The following NYAP2 variants were observed in gnomAD, a reference collection of about 807,000 sequenced individuals.
The protein encoded by NYAP2 is neuronal tyrosine-phosphorylated phosphoinositide-3-kinase adaptor 2, also known as neuronal tyrosine-phosphorylated phosphoinositide-3-kinase adapter 2.
Under a neutral mutation model 50.4 loss-of-function variants are expected in NYAP2, and 23 were observed. That is an observed-to-expected ratio of 0.46 (90% CI 0.33 to 0.65). The LOEUF is 0.65. Among genes scored for constraint, NYAP2 ranks in the 30% least tolerant of loss-of-function variants. NYAP2 has a pLI of 0.02. For missense variants in NYAP2, 885 were observed against 861.0 expected, an observed-to-expected ratio of 1.03 and a Z score of -0.35; for synonymous variants, 394 against 365.2, an observed-to-expected ratio of 1.08 and a Z score of -0.90.
intron 3 of NYAP2, among the ~76,000 whole-genome samples, chr2:225,472,810 T>G (rs1690033678): frequency 6.6e-6 from 1 of 152,180 alleles, no homozygotes; most frequent in African/African-American, 2.4e-5. Context: ...CTTTTTTTTC[T>G]TTTATTTTTT....
downstream of NYAP2, among the ~76,000 whole-genome samples, chr2:225,654,476 A>G (rs1693792791): frequency 6.6e-6 from 1 of 152,272 alleles, no homozygotes; most frequent in Admixed American, 6.5e-5. Flanking sequence ...TGACTTTAGG[A>G]GTTTGAGACC....
chr2:225,445,843 A>C (rs932576876), intron 3 of NYAP2, among the ~76,000 whole-genome samples: 4 of 152,094 alleles, frequency 2.6e-5, no homozygotes, highest in African/African-American at 9.7e-5. Context: ...ATAAAAGGCC[A>C]AAAATGATCA....
rs552714505 is a variant in NYAP2, at chr2:225,511,951, C to A, written c.222-1420C>A. 3.9e-5 allele frequency among the ~76,000 whole-genome samples: 6 copies of A among 152,190 alleles called. No individual in the cohort carries two copies. The East Asian group carries it at 1.2e-3, about 29-fold the overall frequency. ...TTCATATACTCAGAGGTACTTCTTACCATTCAAACATATCTAAGAAAATTA... is the reference window on the plus strand; with the variant it reads ...TTCATATACTCAGAGGTACTTCTTAACATTCAAACATATCTAAGAAAATTA... On this transcript the variant is annotated intron_variant, in intron 3 of 6. Transcript: ENST00000636099.
chr2:225,482,889 A>G (rs1241401783), intron 3 of NYAP2, among the ~76,000 whole-genome samples: 5 of 152,168 alleles, frequency 3.3e-5, no homozygotes, highest in Non-Finnish European at 7.4e-5. Context: ...GTATACGGAG[A>G]GAAGACAAAG....
At chr2:225,686,542 A>T in the NYAP2 span, among the ~76,000 whole-genome samples, 5 of 152,290 alleles carry the variant, frequency 3.3e-5, no homozygotes, top group South Asian at 1.0e-3. Context: ...GGATTACTGT[A>T]CTATATTTGT....
At chr2:225,564,274 A>C (rs1691924170) in intron 4 of NYAP2, among the ~76,000 whole-genome samples, 1 of 149,642 alleles carries the variant, frequency 6.7e-6, no homozygotes, top group Non-Finnish European at 1.5e-5. Context: ...TAGAACCTCC[A>C]AATAATGTGA....
rs1479736366 is a variant in NYAP2 at position 225,582,784 on chromosome 2, C to G, written c.1367C>G (p.Pro456Arg). Residue 456 changes from proline (P) to arginine (R), a missense_variant, in exon 5 of 7, where the codon CCT becomes CGT. By Grantham distance (103) the Pro-to-Arg change is moderately radical. Coordinates refer to ENST00000636099, the Ensembl canonical transcript of NYAP2. The surrounding 1 kb of genome is among the most constrained non-coding windows in gnomAD (Gnocchi z 7.0). ...CCCCTGAGCCTCAAAAGGCCTCCCCCTTACGACGCTGTGCATTCGGGCAGC... is the reference window on the plus strand; with the variant it reads ...CCCCTGAGCCTCAAAAGGCCTCCCCGTTACGACGCTGTGCATTCGGGCAGC... The G allele has an allele frequency of 3.7e-6, 6 of 1,613,944 alleles. No individual in the cohort carries two copies. In the South Asian group the frequency reaches 6.6e-5, roughly 18 times the overall value.
chr2:225,491,332 T>C (rs1384463317), intron 3 of NYAP2, among the ~76,000 whole-genome samples: 2 of 152,212 alleles, frequency 1.3e-5, no homozygotes, highest in Non-Finnish European at 2.9e-5. Flanking sequence ...AGTGTCCCAT[T>C]GCTTGTCAAA....
chr2:225,540,664 T>C (rs111616750), intron 4 of NYAP2, among the ~76,000 whole-genome samples: 2 of 152,324 alleles, frequency 1.3e-5, no homozygotes, highest in African/African-American at 2.4e-5. Context: ...ATATGTACCA[T>C]GTTTTCTTTA....
At chr2:225,480,473 G>A (rs1690187690) in intron 3 of NYAP2, among the ~76,000 whole-genome samples, 1 of 152,068 alleles carries the variant, frequency 6.6e-6, no homozygotes, top group African/African-American at 2.4e-5. Flanking sequence ...GCTAGCACTT[G>A]AAGGAATGTA....
rs138944651 is a variant in NYAP2 at position 225,611,543 on chromosome 2, C to T, written c.1619-15374C>T. Reference sequence around the variant, plus strand: ...CCGCAAAACTAATCTAATCCACCCTCACCCTCCCCTTTGCCATTTTTGAAT... The same window carrying T: ...CCGCAAAACTAATCTAATCCACCCTTACCCTCCCCTTTGCCATTTTTGAAT... On this transcript the variant is annotated intron_variant, in intron 5 of 6. Transcript: ENST00000636099. Among the ~76,000 whole-genome samples the T allele has an allele frequency of 3.5e-4, 53 of 152,126 alleles. 2 individuals are homozygous for T. In the East Asian group the frequency reaches 9.5e-3, roughly 27 times the overall value.
At chr2:225,505,193 C>A (rs1239209463) in intron 3 of NYAP2, among the ~76,000 whole-genome samples, 1 of 151,770 alleles carries the variant, frequency 6.6e-6, no homozygotes, top group Non-Finnish European at 1.5e-5. Flanking sequence ...TAACACTTGA[C>A]CTTCATATCC....
chr2:225,676,104 G>A, the NYAP2 span, among the ~76,000 whole-genome samples: 1 of 152,052 alleles, frequency 6.6e-6, no homozygotes, highest in African/African-American at 2.4e-5. Context: ...TCTATATGCT[G>A]TATGTTTACT....
rs184500295 is a variant in NYAP2, at chr2:225,505,485, C to T, written c.222-7886C>T. 5.3e-4 allele frequency among the ~76,000 whole-genome samples: 81 copies of T among 152,180 alleles called. 1 individual carries two copies. Among genetic ancestry groups the T allele is most frequent in the African/African-American group, 1.8e-3 (76 of 41,542 alleles). Reference sequence around the variant, plus strand: ...CAAGTTTTCATATCCAAGTATACTGCCTGATTTAAAAACTATATATGGGGC... The same window carrying T: ...CAAGTTTTCATATCCAAGTATACTGTCTGATTTAAAAACTATATATGGGGC... On this transcript the variant is annotated intron_variant, in intron 3 of 6. Transcript: ENST00000636099.
chr2:225,600,872 A>G (rs1574702736), intron 5 of NYAP2, among the ~76,000 whole-genome samples: 1 of 152,298 alleles, frequency 6.6e-6, no homozygotes, highest in Admixed American at 6.5e-5. Context: ...TCACCCGTGC[A>G]TATTGCAGGA....
chr2:225,546,714 C>T (rs1204921475), intron 4 of NYAP2, among the ~76,000 whole-genome samples: 1 of 152,108 alleles, frequency 6.6e-6, no homozygotes, highest in Non-Finnish European at 1.5e-5. Flanking sequence ...AAATGAAAGA[C>T]TAAGTCCCCT....
Position 225,402,759 on chromosome 2 carries a change from T to G in NYAP2, c.-18+1716T>G, listed in dbSNP as rs574227428. Among the ~76,000 whole-genome samples the G allele has an allele frequency of 2.6e-5, 4 of 152,138 alleles. No homozygotes were observed. The South Asian group carries it at 8.3e-4, about 32-fold the overall frequency. Reference sequence around the variant, plus strand: ...TTTGGGCAGAACAGCTGCATTTTGATGACACTGAGAATGAGAAAATGAGTG... The same window carrying G: ...TTTGGGCAGAACAGCTGCATTTTGAGGACACTGAGAATGAGAAAATGAGTG... On this transcript the variant is annotated intron_variant, in intron 2 of 6. Transcript: ENST00000636099.
At chr2:225,702,222 T>C in the NYAP2 span, 6 of 151,752 alleles carry the variant, frequency 4.0e-5, no homozygotes, top group Admixed American at 6.6e-5. Flanking sequence ...AGAAAAATGG[T>C]ACCTATAGCA....
At chr2:225,684,654 C>A in the NYAP2 span, among the ~76,000 whole-genome samples, 4 of 151,986 alleles carry the variant, frequency 2.6e-5, no homozygotes, top group East Asian at 1.9e-4. Flanking sequence ...TGGGTTCAAG[C>A]GATTCTGCTG....
Sources: gnomAD v4.1 joint callset for allele counts (sites outside exome capture counted in the v4.1 genomes callset) on GRCh38, gnomAD v4.1.1 for gene constraint, Gnocchi (gnomAD v3.1) non-coding constraint, MANE v1.5 for transcripts, NCBI Gene and HGNC (gene_info 2026-07-23, HGNC 2026-07-21) for gene names.